Variants in PRUNE1 observed in about 807,000 individuals in gnomAD.
The protein encoded by PRUNE1 is exopolyphosphatase PRUNE1.
A neutral mutation model predicts 42.5 loss-of-function variants in PRUNE1; 25 were observed. The ratio of observed to expected loss-of-function variants is 0.59; its 90% confidence interval spans 0.43 to 0.82. PRUNE1 has a LOEUF of 0.82. Ranked by LOEUF, PRUNE1 falls within the 40% of genes least tolerant of loss-of-function variation. The pLI is 0.00. For synonymous variants in PRUNE1, 203 were observed against 217.1 expected (o/e 0.93, Z 0.57); for missense variants, 443 against 539.3 (o/e 0.82, Z 1.77).
At chr1:151,026,666 TA>T (rs950898747) in intron 5 of PRUNE1, among the ~76,000 whole-genome samples, 2 of 151,742 alleles carry the variant, frequency 1.3e-5, no homozygotes, top group African/African-American at 4.8e-5. Context: ...CCTGTTGACA[TA>T]AAAAGGAAGA....
chr1:151,010,566 G>A (rs1360109031), intron 1 of PRUNE1, among the ~76,000 whole-genome samples: 1 of 151,958 alleles, frequency 6.6e-6, no homozygotes, highest in East Asian at 1.9e-4. Context: ...TCATCACATA[G>A]CCTCTCCAGG....
At chr1:151,030,941 A>G (rs1675202629) in intron 7 of PRUNE1, among the ~76,000 whole-genome samples, 1 of 152,200 alleles carries the variant, frequency 6.6e-6, no homozygotes, top group South Asian at 2.1e-4. Context: ...TAAACGTAAT[A>G]TCATGTGTAA....
intron 6 of PRUNE1, among the ~76,000 whole-genome samples, chr1:151,027,773 TGTGTGTGTGC>T (rs1418312770): frequency 3.6e-5 from 5 of 139,634 alleles, no homozygotes; most frequent in Admixed American, 6.9e-5. Flanking sequence ...TGTGTGTGTG[TGTGTGTGTGC>T]GCGCGCGTGT....
At position 151,028,883 on chromosome 1, in the gene PRUNE1, CT is replaced by C; in HGVS notation, c.873del (p.His292ThrfsTer33). 1 of 1,613,888 alleles carries C rather than the reference CT, an allele frequency of 6.2e-7. No homozygotes were observed. Among genetic ancestry groups the C allele is most frequent in the East Asian group, 2.2e-5 (1 of 44,888 alleles). On this transcript the variant is annotated frameshift_variant, in exon 7 of 8. Coordinates refer to ENST00000271620, the MANE Select transcript of PRUNE1 (RefSeq NM_021222.3). LOFTEE classifies it high-confidence loss of function. ...GTTGCCATGACTATCTTTTTCAACA[CT>C]CACAATGAGCCAGTGCGGCAGTTGG... ...VLVAMTIFFN[T>X]HNEPVRQLAI...
At chr1:151,029,642 C>T (rs1341795510) in intron 7 of PRUNE1, among the ~76,000 whole-genome samples, 3 of 151,554 alleles carry the variant, frequency 2.0e-5, no homozygotes, top group Non-Finnish European at 2.9e-5. Context: ...GCTGGGATTA[C>T]AGGCGTGAGC....
chr1:151,026,194 C>A (rs1019117641), intron 5 of PRUNE1, among the ~76,000 whole-genome samples: 1 of 151,624 alleles, frequency 6.6e-6, no homozygotes, highest in Non-Finnish European at 1.5e-5. Flanking sequence ...CAGTGGCTCA[C>A]GCCTGTAATC....
chr1:151,022,066 C>G (rs947110657), intron 3 of PRUNE1, among the ~76,000 whole-genome samples: 7 of 151,592 alleles, frequency 4.6e-5, no homozygotes, highest in Non-Finnish European at 8.8e-5. Flanking sequence ...TCAAGGAATC[C>G]TCCCGCCTCA....
intron 4 of PRUNE1, 135 bp downstream of exon 4, chr1:151,024,930 C>A: frequency 5.3e-6 from 5 of 936,242 alleles, no homozygotes; most frequent in Non-Finnish European, 7.8e-6. Flanking sequence ...AGATAGGATT[C>A]TTTCAGGGGA....
At chr1:151,011,568 T>G (rs1460616499) in intron 1 of PRUNE1, among the ~76,000 whole-genome samples, 1 of 152,136 alleles carries the variant, frequency 6.6e-6, no homozygotes, top group Non-Finnish European at 1.5e-5. Context: ...GGTTTGTCTC[T>G]CTCTGGCTTT....
chr1:151,019,922 C>G (rs1674317825), intron 3 of PRUNE1, among the ~76,000 whole-genome samples: 1 of 151,228 alleles, frequency 6.6e-6, no homozygotes, highest in African/African-American at 2.4e-5. Context: ...CCTCTGCCTC[C>G]TGGGTTCAAG....
chr1:151,012,418 A>G (rs587621323), intron 1 of PRUNE1, among the ~76,000 whole-genome samples: 2 of 152,210 alleles, frequency 1.3e-5, no homozygotes, highest in African/African-American at 2.4e-5. Context: ...TTTCATTCTC[A>G]TAAGCGTCCC....
intron 2 of PRUNE1, 35 bp downstream of exon 2, chr1:151,017,939 C>G: frequency 7.1e-7 from 1 of 1,413,304 alleles, no homozygotes. Context: ...GGATCTGAGT[C>G]CCTCAGAACG....
rs60255032 is a variant in PRUNE1, at chr1:151,022,108, ATTTTTTT to A, written c.336-2490_336-2484del. Among the ~76,000 whole-genome samples, 13 of 125,808 alleles carry A rather than the reference ATTTTTTT, an allele frequency of 1.0e-4. No homozygotes were observed. The South Asian group carries it at 2.4e-3, about 23-fold the overall frequency. The allele number at this position is 125,808 out of a possible 152,430, so 82.5% of individuals were successfully genotyped here. On this transcript the variant is annotated intron_variant, in intron 3 of 7. Transcript: ENST00000271620. ...TGTGTAAAAGCATCATTCCTGGCTA[ATTTTTTT>A]TTTTTTTTTTTTGAAACTGAGTTTT...
intron 1 of PRUNE1, among the ~76,000 whole-genome samples, chr1:151,010,860 T>A (rs1673734425): frequency 6.6e-6 from 1 of 152,096 alleles, no homozygotes. Context: ...GTCACCATGT[T>A]GGACAGGCTG....
chr1:151,018,738 G>T (rs1674249261), intron 3 of PRUNE1, 69 bp downstream of exon 3: 1 of 1,445,714 alleles, frequency 6.9e-7, no homozygotes, highest in Non-Finnish European at 9.5e-7. Flanking sequence ...GAGATATAAA[G>T]AGAGGAAGAA....
intron 7 of PRUNE1, among the ~76,000 whole-genome samples, chr1:151,033,235 G>GAA: frequency 6.6e-6 from 1 of 150,938 alleles, no homozygotes; most frequent in Non-Finnish European, 1.5e-5. Context: ...ACAGGCATGC[G>GAA]CCATCATGCC....
chr1:151,011,018 G>GGGAT (rs1284409235), intron 1 of PRUNE1, among the ~76,000 whole-genome samples: 1 of 152,114 alleles, frequency 6.6e-6, no homozygotes, highest in Non-Finnish European at 1.5e-5. Flanking sequence ...AAATACCAAA[G>GGGAT]GGATATGAAA....
chr1:151,021,971 T>TG (rs1674475455), intron 3 of PRUNE1, among the ~76,000 whole-genome samples: 1 of 149,286 alleles, frequency 6.7e-6, no homozygotes, highest in South Asian at 2.1e-4. Flanking sequence ...CCACCACCTT[T>TG]TTTTTTTTTA....
intron 3 of PRUNE1, among the ~76,000 whole-genome samples, chr1:151,019,405 T>A (rs1017581086): frequency 6.6e-6 from 1 of 151,800 alleles, no homozygotes; most frequent in Non-Finnish European, 1.5e-5. Flanking sequence ...AAAAAATTTT[T>A]AAAAATTAGG....
Sources: gnomAD v4.1 joint callset for allele counts (sites outside exome capture counted in the v4.1 genomes callset) on GRCh38, gnomAD v4.1.1 for gene constraint, MANE v1.5 for transcripts, NCBI Gene and HGNC (gene_info 2026-07-23, HGNC 2026-07-21) for gene names.